SPECC1L: variants seen among roughly 807,000 people sequenced by gnomAD.
SPECC1L encodes the protein cytospin-A.
SPECC1L carries 40 observed loss-of-function variants against 116.8 expected under a neutral mutation model. The ratio of observed to expected loss-of-function variants is 0.34; its 90% confidence interval spans 0.27 to 0.45. The LOEUF is 0.45. Among genes scored for constraint, SPECC1L ranks in the 20% least tolerant of loss-of-function variants. The pLI is 1.00. For missense variants in SPECC1L, 1,110 were observed against 1,373.6 expected, an observed-to-expected ratio of 0.81 and a Z score of 3.03; for synonymous variants, 504 against 500.6, an observed-to-expected ratio of 1.01 and a Z score of -0.09.
intron 14 of SPECC1L, among the ~76,000 whole-genome samples, chr22:24,387,786 A>G (rs1311062494): frequency 1.3e-5 from 2 of 152,218 alleles, no homozygotes; most frequent in Non-Finnish European, 2.9e-5. Flanking sequence ...TTAGAATTGT[A>G]TTGGTTAGAA....
At chr22:24,332,996 A>C (rs2040969347) in intron 8 of SPECC1L, among the ~76,000 whole-genome samples, 1 of 152,192 alleles carries the variant, frequency 6.6e-6, no homozygotes, top group Non-Finnish European at 1.5e-5. Flanking sequence ...TGGGAGGCCT[A>C]GGTGAGCGGA....
intron 14 of SPECC1L, among the ~76,000 whole-genome samples, chr22:24,394,892 G>A (rs2042337765): frequency 6.6e-6 from 1 of 152,124 alleles, no homozygotes; most frequent in Non-Finnish European, 1.5e-5. Context: ...GTGCAGTGGT[G>A]CAATCATAGC....
chr22:24,339,932 G>A (rs1217489034), intron 10 of SPECC1L, among the ~76,000 whole-genome samples: 1 of 151,866 alleles, frequency 6.6e-6, no homozygotes, highest in Non-Finnish European at 1.5e-5. Flanking sequence ...CCACAGGCGT[G>A]CACCACCATG....
In SPECC1L at chr22:24,287,682, A is replaced by G. The variant is rs57189750; in HGVS notation, c.-38+10879A>G. Among the ~76,000 whole-genome samples, 1,503 of 152,136 alleles carry G rather than the reference A, an allele frequency of 9.9e-3. 19 individuals carry two copies. The highest frequency in any genetic ancestry group is 0.034 in the African/African-American group (1,423 of 41,504). On this transcript the variant is annotated intron_variant, in intron 2 of 16. Transcript: ENST00000314328. ...GGATGTGGCTGTTGGAGGTGCCCCTATTCAGACTCCTGCTCTACCATTTGC... is the reference window on the plus strand; with the variant it reads ...GGATGTGGCTGTTGGAGGTGCCCCTGTTCAGACTCCTGCTCTACCATTTGC...
intron 2 of SPECC1L, among the ~76,000 whole-genome samples, chr22:24,279,057 G>A (rs1029013177): frequency 2.6e-5 from 4 of 152,234 alleles, no homozygotes; most frequent in Non-Finnish European, 5.9e-5. Flanking sequence ...GGATGCAACC[G>A]AGAGTACTTC....
chr22:24,412,484 C>A, intron 15 of SPECC1L, 164 bp from the exon 16 acceptor site: 1 of 710,932 alleles, frequency 1.4e-6, no homozygotes, highest in Non-Finnish European at 2.5e-6. Flanking sequence ...GTGCAGGGTA[C>A]TTGGTGCAGA....
At chr22:24,278,571 C>T (rs572696855) in intron 2 of SPECC1L, among the ~76,000 whole-genome samples, 16 of 152,230 alleles carry the variant, frequency 1.1e-4, no homozygotes, top group African/African-American at 3.9e-4. Context: ...CTGCTCTAAG[C>T]GTTAAAGAAA....
intron 11 of SPECC1L, among the ~76,000 whole-genome samples, chr22:24,349,370 G>A (rs1225237904): frequency 2.0e-5 from 3 of 152,100 alleles, no homozygotes. Flanking sequence ...TGACCTGTAC[G>A]TGGAGGTGTG....
intron 14 of SPECC1L, among the ~76,000 whole-genome samples, chr22:24,397,493 G>A (rs569799112): frequency 6.6e-6 from 1 of 152,230 alleles, no homozygotes; most frequent in East Asian, 1.9e-4. Flanking sequence ...CTCAGCCGGT[G>A]TCAGGTGCTT....
At chr22:24,274,946 C>G (rs1291838515) in intron 1 of SPECC1L, among the ~76,000 whole-genome samples, 1 of 152,228 alleles carries the variant, frequency 6.6e-6, no homozygotes, top group Admixed American at 6.5e-5. Flanking sequence ...ATTCTTCTCT[C>G]ACTTCATCTG....
intron 10 of SPECC1L, among the ~76,000 whole-genome samples, chr22:24,344,896 T>A (rs1312045373): frequency 1.3e-5 from 2 of 152,134 alleles, no homozygotes; most frequent in Non-Finnish European, 2.9e-5. Flanking sequence ...AAATAGAAAG[T>A]GATGTCATTT....
Position 24,302,257 on chromosome 22 carries a change from G to C in SPECC1L, c.26G>C (p.Gly9Ala), listed in dbSNP as rs770718144. The C allele has an allele frequency of 6.2e-7, 1 of 1,614,074 alleles. No individual in the cohort carries two copies. The highest frequency in any genetic ancestry group is 1.1e-5 in the South Asian group (1 of 91,082). The part of the protein sequence containing the change: MKKASRSV[G>A]SVPKVSAISK... ...ATGAAGAAAGCAAGCAGGAGTGTTG[G>C]CTCAGTGCCTAAAGTGTCTGCAATA... Residue 9 changes from glycine to alanine, a missense_variant, in exon 3 of 17, where the codon GGC (glycine) becomes GCC (alanine). Around this residue, in one of 4 missense-constraint regions of SPECC1L, gnomAD observed 437 missense variants for 482.6 expected, o/e 0.91. Transcript: ENST00000314328.
chr22:24,370,404 C>T (rs1207447385), intron 14 of SPECC1L, among the ~76,000 whole-genome samples: 1 of 149,892 alleles, frequency 6.7e-6, no homozygotes, highest in Non-Finnish European at 1.5e-5. Flanking sequence ...CCAGCTTCCA[C>T]TGGCTAACAA....
chr22:24,343,669 C>G (rs1422751790), intron 10 of SPECC1L: 1 of 215,844 alleles, frequency 4.6e-6, no homozygotes, highest in Non-Finnish European at 9.7e-6. Flanking sequence ...CCATGTTGCC[C>G]AGGCTTGTCT....
intron 2 of SPECC1L, among the ~76,000 whole-genome samples, chr22:24,279,652 A>T (rs561513465): frequency 1.1e-4 from 17 of 151,930 alleles, no homozygotes; most frequent in African/African-American, 3.9e-4. Context: ...GTGCAATCAC[A>T]GCTCACTGCA....
intron 2 of SPECC1L, among the ~76,000 whole-genome samples, chr22:24,300,606 C>A (rs2049358171): frequency 6.6e-6 from 1 of 152,200 alleles, no homozygotes; most frequent in Non-Finnish European, 1.5e-5. Flanking sequence ...TAAAAGCATT[C>A]CTATTTCTCC....
intron 14 of SPECC1L, among the ~76,000 whole-genome samples, chr22:24,405,417 C>G (rs1332991672): frequency 2.6e-5 from 4 of 151,212 alleles, no homozygotes; most frequent in Non-Finnish European, 4.4e-5. Context: ...TCCCCAGGAG[C>G]AGGGCTCCAG....
In SPECC1L at chr22:24,329,691, G is replaced by A. The variant is rs1027742428; in HGVS notation, c.2221-565G>A. 6.6e-5 allele frequency among the ~76,000 whole-genome samples: 10 copies of A among 152,308 alleles called. No individual in the cohort carries two copies. The Middle Eastern group carries it at 0.01, about 155-fold the overall frequency. On this transcript the variant is annotated intron_variant, in intron 7 of 16. Coordinates refer to ENST00000314328, the MANE Select transcript of SPECC1L (RefSeq NM_015330.6). ...GGCCACACCCGCATCCTCCATGACT[G>A]TGGGAAGCAACAGACCACGTAGTTC...
chr22:24,402,694 A>G (rs1355022143), intron 14 of SPECC1L, among the ~76,000 whole-genome samples: 1 of 152,178 alleles, frequency 6.6e-6, no homozygotes, highest in African/African-American at 2.4e-5. Flanking sequence ...GAGGAAGTGG[A>G]TGCTTGCATG....
Sources: gnomAD v4.1 joint callset for allele counts (sites outside exome capture counted in the v4.1 genomes callset) on GRCh38, gnomAD v4.1.1 for gene constraint, gnomAD v4.1.1 regional missense constraint, MANE v1.5 for transcripts, NCBI Gene and HGNC (gene_info 2026-07-23, HGNC 2026-07-21) for gene names.